The following IFT74 variants were observed in gnomAD, a reference collection of about 807,000 sequenced individuals.
The protein encoded by IFT74 is intraflagellar transport 74.
A neutral mutation model predicts 96.7 loss-of-function variants in IFT74; 92 were observed. The ratio of observed to expected loss-of-function variants is 0.95; its 90% CI spans 0.80 to 1.13. The LOEUF is 1.13. Ranked by LOEUF, IFT74 falls within the 50% of genes most tolerant of loss-of-function variation. The pLI, the probability that IFT74 is intolerant of heterozygous loss-of-function variation, is 0.00. For synonymous variants in IFT74, 223 were observed against 213.2 expected (o/e 1.05, Z -0.40); for missense variants, 811 against 698.2 (o/e 1.16, Z -1.82).
intron 1 of IFT74, among the ~76,000 whole-genome samples, chr9:26,960,509 C>T (rs545128982): frequency 2.6e-5 from 4 of 152,220 alleles, no homozygotes; most frequent in South Asian, 2.1e-4. Context: ...TTTTATTTCA[C>T]GTTTAAGTAT....
chr9:27,050,714 A>G (rs1479059056), intron 16 of IFT74, among the ~76,000 whole-genome samples: 1 of 122,616 alleles, frequency 8.2e-6, no homozygotes, highest in African/African-American at 3.1e-5. Context: ...GAAGGGGGAC[A>G]TCACACACCG....
At position 27,064,045 on chromosome 9, in the gene IFT74, A is replaced by G. The variant is rs1184711787; in HGVS notation, c.*1309A>G. 2.0e-5 allele frequency among the ~76,000 whole-genome samples: 3 copies of G among 152,110 alleles called. No individual in the cohort carries two copies. The highest frequency in any genetic ancestry group is 4.1e-4 in the South Asian group (2 of 4,830). ...TTATTTTATTTTTTCTTGACTGCTC[A>G]TAACCCTTAATATGCTAATGTATAA... On this transcript the variant is annotated 3_prime_UTR_variant, in exon 20 of 20. Coordinates refer to ENST00000380062, the MANE Select transcript of IFT74 (RefSeq NM_025103.4).
At chr9:27,048,074 GT>G in intron 15 of IFT74, 73 bp from the exon 16 acceptor site, 1 of 1,038,852 alleles carries the variant, frequency 9.6e-7, no homozygotes, top group Non-Finnish European at 1.4e-6. Flanking sequence ...CTTTGACAGT[GT>G]TTTCCAAGAG....
Position 26,962,007 on chromosome 9 carries a change from T to C in IFT74, c.40T>C (p.Ser14Pro). Residue 14 changes from serine (S) to proline (P), a missense_variant, in exon 2 of 20, where the codon TCA becomes CCA. Physicochemically the swap from Ser to Pro is moderately conservative, Grantham distance 74 (BLOSUM62 -1). Transcript: ENST00000380062. Reference protein sequence around the residue: ...NHKSSAARPVSRGGVGLTGRP... With the variant: ...NHKSSAARPVPRGGVGLTGRP... ...CAAATCTTCAGCAGCTCGCCCTGTT[T>C]CAAGAGGTGGAGTTGGGTTAACAGG... The C allele has an allele frequency of 1.2e-6, 2 of 1,614,162 alleles. No individual in the cohort carries two copies. Among genetic ancestry groups the C allele is most frequent in the African/African-American group, 2.7e-5 (2 of 75,056 alleles).
intron 8 of IFT74, among the ~76,000 whole-genome samples, chr9:27,000,353 G>C (rs1218015306): frequency 6.6e-6 from 1 of 152,126 alleles, no homozygotes; most frequent in Admixed American, 6.5e-5. Context: ...GTATATTTAT[G>C]CATGTTTAAG....
chr9:26,972,014 T>C (rs771323539), intron 2 of IFT74, among the ~76,000 whole-genome samples: 27 of 152,228 alleles, frequency 1.8e-4, no homozygotes, highest in Non-Finnish European at 3.4e-4. Context: ...TCTCTTCAAT[T>C]ACCCAGGAGG....
intron 16 of IFT74, among the ~76,000 whole-genome samples, chr9:27,055,112 C>T (rs1820102737): frequency 6.6e-6 from 1 of 152,096 alleles, no homozygotes; most frequent in African/African-American, 2.4e-5. Context: ...TCTGTATTTC[C>T]TTTGGGAGCA....
chr9:26,956,256 C>T (rs1281375903), upstream of IFT74: 1 of 152,214 alleles, frequency 6.6e-6, no homozygotes, highest in Non-Finnish European at 1.5e-5. Flanking sequence ...TCCACTTTTT[C>T]CAAAAAGCAC....
chr9:27,050,677 T>C (rs543679352), intron 16 of IFT74, among the ~76,000 whole-genome samples: 21 of 138,888 alleles, frequency 1.5e-4, no homozygotes, highest in African/African-American at 5.4e-4. Context: ...TGGGTGGGAA[T>C]TGAACAATGA....
chr9:26,961,524 CA>C (rs1826360365), intron 1 of IFT74, among the ~76,000 whole-genome samples: 1 of 152,080 alleles, frequency 6.6e-6, no homozygotes, highest in Non-Finnish European at 1.5e-5. Context: ...GTGTTACTCT[CA>C]GGGGAAATCA....
intron 19 of IFT74, 62 bp downstream of exon 19, chr9:27,060,713 C>G: frequency 8.3e-7 from 1 of 1,203,948 alleles, no homozygotes; most frequent in Non-Finnish European, 1.2e-6. Flanking sequence ...AGTCCCAACA[C>G]TTTGGGAGGC....
chr9:27,012,391 T>G (rs1563974024), intron 10 of IFT74, among the ~76,000 whole-genome samples: 2 of 151,120 alleles, frequency 1.3e-5, no homozygotes, highest in Admixed American at 1.3e-4. Flanking sequence ...CCTGGCTAAT[T>G]TTTTTTTTAC....
intron 9 of IFT74, among the ~76,000 whole-genome samples, chr9:27,011,526 AAAT>A (rs1353427498): frequency 2.0e-5 from 3 of 152,216 alleles, no homozygotes; most frequent in African/African-American, 4.8e-5. Flanking sequence ...TCAAAATTTT[AAAT>A]AATAATCTTA....
chr9:26,998,850 CG>C (rs1287918585), intron 8 of IFT74, among the ~76,000 whole-genome samples: 3 of 151,392 alleles, frequency 2.0e-5, no homozygotes, highest in Non-Finnish European at 2.9e-5. Context: ...AAAAGTCAGC[CG>C]GGCATGGTGG....
intron 16 of IFT74, among the ~76,000 whole-genome samples, chr9:27,050,741 G>C (rs890271952): frequency 3.2e-5 from 4 of 125,040 alleles, no homozygotes; most frequent in African/African-American, 8.9e-5. Flanking sequence ...GTTTTGGGGT[G>C]GGGGGAGGGA....
At chr9:27,047,401 T>C (rs773910762) in intron 15 of IFT74, 30 bp downstream of exon 15, 18 of 1,363,804 alleles carry the variant, frequency 1.3e-5, no homozygotes, top group South Asian at 2.5e-5. Context: ...CTTGGTGTCC[T>C]CTTTATTTTT....
At chr9:26,979,059 C>T (rs957282018) in intron 3 of IFT74, among the ~76,000 whole-genome samples, 19 of 151,934 alleles carry the variant, frequency 1.3e-4, no homozygotes, top group African/African-American at 4.3e-4. Context: ...GATGATCTAT[C>T]AGGAATGAAG....
At chr9:26,992,368 T>C (rs1199741352) in intron 8 of IFT74, among the ~76,000 whole-genome samples, 2 of 152,162 alleles carry the variant, frequency 1.3e-5, no homozygotes, top group Non-Finnish European at 2.9e-5. Flanking sequence ...AAATTGGTTC[T>C]CTTGTCTGTT....
At chr9:27,030,508 A>T (rs1830070618) in intron 13 of IFT74, among the ~76,000 whole-genome samples, 2 of 142,590 alleles carry the variant, frequency 1.4e-5, no homozygotes, top group South Asian at 4.4e-4. Context: ...AGATCACACC[A>T]CTGCACTCCA....
Sources: allele counts gnomAD v4.1 joint callset (sites outside exome capture counted in the v4.1 genomes callset), GRCh38; gene constraint gnomAD v4.1.1; transcripts MANE v1.5; gene names NCBI Gene and HGNC (gene_info 2026-07-23, HGNC 2026-07-21).